The following NCALD variants were observed in gnomAD, a reference collection of about 807,000 sequenced individuals.
The protein encoded by NCALD is neurocalcin-delta.
Under a neutral mutation model 18.6 loss-of-function variants are expected in NCALD, and 10 were observed. That is an observed-to-expected ratio of 0.54 (90% confidence interval 0.33 to 0.91). The LOEUF (loss-of-function observed/expected upper bound fraction) is 0.91, where lower values mean the gene tolerates loss of function less well. Ranked by LOEUF, NCALD falls within the 40% of genes least tolerant of loss-of-function variation. The probability of loss-of-function intolerance (pLI) is 0.03; values close to 1 mark genes in which losing one functional copy is unlikely to be tolerated. For synonymous variants in NCALD, 88 were observed against 87.4 expected, an observed-to-expected ratio of 1.01 and a Z score of -0.04; for missense variants, 184 against 247.6, an observed-to-expected ratio of 0.74 and a Z score of 1.72.
chr8:101,879,392 C>T (rs1467517292), intron 4 of NCALD, among the ~76,000 whole-genome samples: 2 of 152,132 alleles, frequency 1.3e-5, no homozygotes, highest in Non-Finnish European at 2.9e-5. Context: ...GCTCTTAAGG[C>T]CGCCAGTCTG....
chr8:102,065,357 G>A (rs776040979), intron 1 of NCALD, among the ~76,000 whole-genome samples: 3 of 151,984 alleles, frequency 2.0e-5, no homozygotes, highest in East Asian at 1.9e-4. Flanking sequence ...GAGTGACAGC[G>A]GGCAAAGCGG....
chr8:102,121,561 C>G (rs1825945479), intron 1 of NCALD, among the ~76,000 whole-genome samples: 1 of 152,148 alleles, frequency 6.6e-6, no homozygotes, highest in Non-Finnish European at 1.5e-5. Flanking sequence ...AGCTATAAAA[C>G]CCATGTGTGT....
At chr8:101,902,193 G>C (rs1406766767) in intron 3 of NCALD, among the ~76,000 whole-genome samples, 2 of 151,290 alleles carry the variant, frequency 1.3e-5, no homozygotes, top group Non-Finnish European at 2.9e-5. Flanking sequence ...CTAAGATAGG[G>C]TAATTTCTAC....
intron 4 of NCALD, among the ~76,000 whole-genome samples, chr8:101,817,330 T>C (rs967319891): frequency 6.6e-6 from 1 of 152,164 alleles, no homozygotes; most frequent in African/African-American, 2.4e-5. Context: ...GCCATCCTCT[T>C]CACAGTTAAT....
chr8:101,866,747 T>C (rs1036952271), intron 4 of NCALD, among the ~76,000 whole-genome samples: 1 of 152,068 alleles, frequency 6.6e-6, no homozygotes, highest in Admixed American at 6.5e-5. Context: ...CATTTCTACC[T>C]CCAAATTTTA....
chr8:101,907,660 C>T (rs1586736154), intron 3 of NCALD, among the ~76,000 whole-genome samples: 2 of 152,058 alleles, frequency 1.3e-5, no homozygotes, highest in South Asian at 2.1e-4. Flanking sequence ...GCAGAGGGGA[C>T]GGGACAGGAG....
At chr8:101,756,947 A>G (rs1201002065) in intron 1 of NCALD, among the ~76,000 whole-genome samples, 1 of 152,214 alleles carries the variant, frequency 6.6e-6, no homozygotes, top group Non-Finnish European at 1.5e-5. Flanking sequence ...GAACTTCTGG[A>G]AGGATGAACA....
rs201308224 is a variant in NCALD, at chr8:101,776,457, A to AT, written c.-20+14404dup. Among the ~76,000 whole-genome samples, 1,074 of 150,834 alleles carry AT rather than the reference A, an allele frequency of 7.1e-3. 33 individuals are homozygous for AT. Among genetic ancestry groups the AT allele is most frequent in the Admixed American group, 0.05 (757 of 15,118 alleles). ...GCCTGCTTCCTTTTGACAACCAGTA[A>AT]TTTTTTTTTTAATATTAAGTTTGCA... On this transcript the variant is annotated intron_variant, in intron 1 of 3. Transcript: ENST00000220931.
chr8:101,878,279 G>A (rs554027030), intron 4 of NCALD, among the ~76,000 whole-genome samples: 1 of 152,306 alleles, frequency 6.6e-6, no homozygotes, highest in Non-Finnish European at 1.5e-5. Flanking sequence ...AATTTATTAA[G>A]AATCTTACAT....
At chr8:101,906,240 G>A (rs1353293040) in intron 3 of NCALD, among the ~76,000 whole-genome samples, 2 of 152,138 alleles carry the variant, frequency 1.3e-5, no homozygotes, top group Non-Finnish European at 2.9e-5. Flanking sequence ...TCTTACAGAT[G>A]ATTCTTTGTA....
intron 1 of NCALD, among the ~76,000 whole-genome samples, chr8:102,029,288 C>G (rs1168204578): frequency 6.6e-6 from 1 of 152,136 alleles, no homozygotes; most frequent in Non-Finnish European, 1.5e-5. Context: ...AAAGTGTATA[C>G]TTAATCCAAC....
At chr8:101,747,455 A>G (rs562312213) in intron 1 of NCALD, among the ~76,000 whole-genome samples, 39 of 152,294 alleles carry the variant, frequency 2.6e-4, no homozygotes, top group African/African-American at 8.9e-4. Flanking sequence ...AGTGCCCCTG[A>G]GGCTGTGAGA....
chr8:101,869,934 G>A (rs896479968), intron 4 of NCALD, among the ~76,000 whole-genome samples: 1 of 152,134 alleles, frequency 6.6e-6, no homozygotes, highest in Non-Finnish European at 1.5e-5. Context: ...TTGATTTCAT[G>A]TATCTTTTTG....
At chr8:101,770,958 G>C (rs1334810872) in intron 1 of NCALD, among the ~76,000 whole-genome samples, 1 of 152,134 alleles carries the variant, frequency 6.6e-6, no homozygotes, top group Admixed American at 6.5e-5. Context: ...TAAATTTAAT[G>C]CTTCAATTCA....
intron 2 of NCALD, among the ~76,000 whole-genome samples, chr8:101,996,886 C>T (rs946427892): frequency 2.6e-5 from 4 of 152,216 alleles, no homozygotes; most frequent in Admixed American, 6.5e-5. Context: ...CCCATTATCA[C>T]GGGCTTCAGG....
rs113211893 is a variant in NCALD at position 101,771,297 on chromosome 8, GT to G, written c.-20+19564del. 8.3e-3 allele frequency among the ~76,000 whole-genome samples: 1,261 copies of G among 152,326 alleles called. 24 individuals carry two copies. Among genetic ancestry groups the G allele is most frequent in the African/African-American group, 0.027 (1,131 of 41,578 alleles). On this transcript the variant is annotated intron_variant, in intron 1 of 3. Transcript: ENST00000220931. ...CCAGATCAGCAAGTTCAGGGTGGAG[GT>G]GGGGTGGACAAAAATTCCCACAAAA...
At chr8:101,763,952 TTC>T (rs149384386) in intron 1 of NCALD, among the ~76,000 whole-genome samples, 7 of 122,064 alleles carry the variant, frequency 5.7e-5, no homozygotes, top group Admixed American at 1.9e-4. Context: ...TATGACAAAT[TTC>T]TCTCTCTCTC....
chr8:101,900,811 T>C lies in NCALD; in HGVS notation c.-106-13584A>G, dbSNP rs868459055. On this transcript the variant is annotated intron_variant, in intron 3 of 6. Transcript: ENST00000311028. ...TACATTTTGTTAGTCAATTCTTCTG[T>C]TGTTGGGTGGATTGTATAAATATAA... Among the ~76,000 whole-genome samples, 11 of 151,270 alleles carry C rather than the reference T, an allele frequency of 7.3e-5. No homozygotes were observed. In the South Asian group the frequency reaches 2.1e-3, roughly 28 times the overall value.
chr8:102,098,403 G>C (rs1283999045), intron 1 of NCALD, among the ~76,000 whole-genome samples: 1 of 152,114 alleles, frequency 6.6e-6, no homozygotes, highest in Non-Finnish European at 1.5e-5. Context: ...TCCCTCTCCA[G>C]CTAATCCTTT....
Sources: allele counts gnomAD v4.1 joint callset (sites outside exome capture counted in the v4.1 genomes callset), GRCh38; gene constraint gnomAD v4.1.1; transcripts MANE v1.5; gene names NCBI Gene and HGNC (gene_info 2026-07-23, HGNC 2026-07-21).